Variants in OSMR observed in about 807,000 individuals in gnomAD.
OSMR encodes oncostatin M receptor.
A neutral mutation model predicts 99.9 loss-of-function variants in OSMR; 81 were observed. The ratio of observed to expected loss-of-function variants is 0.81; its 90% CI spans 0.68 to 0.97. The LOEUF (loss-of-function observed/expected upper bound fraction) is 0.97, where lower values mean the gene tolerates loss of function less well. OSMR is among the 50% of genes least tolerant of loss of function. The pLI is 0.00. For missense variants in OSMR, 1,099 were observed against 1,153.4 expected, an observed-to-expected ratio of 0.95 and a Z score of 0.68; for synonymous variants, 406 against 410.4, an observed-to-expected ratio of 0.99 and a Z score of 0.13.
chr5:38,904,090 G>A, intron 8 of OSMR, 66 bp downstream of exon 8: 1 of 1,595,012 alleles, frequency 6.3e-7, no homozygotes, highest in Non-Finnish European at 8.6e-7. Context: ...AGACACTGAT[G>A]AATAAAATCA....
chr5:38,902,353 T>A (rs776005302), intron 7 of OSMR, among the ~76,000 whole-genome samples: 1 of 152,208 alleles, frequency 6.6e-6, no homozygotes, highest in Non-Finnish European at 1.5e-5. Context: ...ATGCCTATGA[T>A]GCACTGACTG....
intron 1 of OSMR, among the ~76,000 whole-genome samples, chr5:38,861,695 C>T (rs1198471535): frequency 6.6e-6 from 1 of 151,518 alleles, no homozygotes; most frequent in Admixed American, 6.6e-5. Context: ...GTAGGGGCGG[C>T]CGGGAGAGGC....
intron 1 of OSMR, among the ~76,000 whole-genome samples, chr5:38,859,000 A>T (rs185122741): frequency 1.2e-3 from 182 of 152,334 alleles, no homozygotes; most frequent in African/African-American, 4.1e-3. Context: ...TCTGGATATT[A>T]GTTCCTAGTC....
intron 7 of OSMR, among the ~76,000 whole-genome samples, chr5:38,892,721 C>A (rs906345010): frequency 6.6e-6 from 1 of 152,124 alleles, no homozygotes; most frequent in African/African-American, 2.4e-5. Context: ...ACAGACATTT[C>A]CCATGGCTTT....
chr5:38,850,808 T>C (rs75116148), intron 1 of OSMR, among the ~76,000 whole-genome samples: 2,990 of 152,340 alleles, frequency 0.02, 109 homozygotes, highest in African/African-American at 0.068. Context: ...TGGTCACCTC[T>C]TTCTACTTTC....
At chr5:38,893,322 C>G (rs1463628830) in intron 7 of OSMR, among the ~76,000 whole-genome samples, 1 of 152,192 alleles carries the variant, frequency 6.6e-6, no homozygotes, top group Non-Finnish European at 1.5e-5. Context: ...AAGGATCACT[C>G]TAGCTCCTGA....
At chr5:38,858,342 C>T (rs903068394) in intron 1 of OSMR, among the ~76,000 whole-genome samples, 1 of 150,160 alleles carries the variant, frequency 6.7e-6, no homozygotes, top group Admixed American at 6.6e-5. Context: ...TTAGCTCCCA[C>T]ATATGAGTGA....
In OSMR at chr5:38,912,785, A is replaced by G. The variant is rs188278259; in HGVS notation, c.1286-4761A>G. Among the ~76,000 whole-genome samples, 201 of 152,276 alleles carry G rather than the reference A, an allele frequency of 1.3e-3. 2 individuals carry two copies. The highest frequency in any genetic ancestry group is 4.7e-3 in the African/African-American group (196 of 41,564). On this transcript the variant is annotated intron_variant, in intron 9 of 17. Transcript: ENST00000274276. ...AAAACAAAACTACACACCTACAGCCATCTGATCTTCTACAAAGTCAACAAA... is the reference window on the plus strand; with the variant it reads ...AAAACAAAACTACACACCTACAGCCGTCTGATCTTCTACAAAGTCAACAAA...
intron 11 of OSMR, 100 bp from the exon 12 acceptor site, chr5:38,921,515 C>A: frequency 6.3e-7 from 1 of 1,578,124 alleles, no homozygotes; most frequent in Non-Finnish European, 8.6e-7. Flanking sequence ...CTGTTACCTA[C>A]TAGATACAGT....
chr5:38,857,428 A>C lies in OSMR; in HGVS notation c.-14+11041A>C, dbSNP rs182076191. 4.7e-5 allele frequency among the ~76,000 whole-genome samples: 7 copies of C among 149,206 alleles called. No individual in the cohort carries two copies. The South Asian group carries it at 9.0e-4, about 19-fold the overall frequency. On this transcript the variant is annotated intron_variant, in intron 1 of 17. Transcript: ENST00000274276. ...TTGACTTCCCCTTGCTTATGACTAG[A>C]AACTATTTCCTCTAGAATTAGTTTT...
chr5:38,879,023 G>T (rs757807063), intron 3 of OSMR, among the ~76,000 whole-genome samples: 1 of 152,214 alleles, frequency 6.6e-6, no homozygotes, highest in Admixed American at 6.5e-5. Flanking sequence ...GTGAACACAC[G>T]CATAGGGTAT....
At chr5:38,894,516 A>G (rs2112474363) in intron 7 of OSMR, among the ~76,000 whole-genome samples, 1 of 152,310 alleles carries the variant, frequency 6.6e-6, no homozygotes, top group East Asian at 1.9e-4. Flanking sequence ...TGTCATAAAA[A>G]TGGAAAACCA....
chr5:38,864,901 T>A (rs968586152), intron 1 of OSMR, among the ~76,000 whole-genome samples: 6 of 152,232 alleles, frequency 3.9e-5, no homozygotes, highest in Non-Finnish European at 7.3e-5. Context: ...GTGTCCCATA[T>A]GTCATGTAGG....
At chr5:38,926,301 T>C (rs1281945222) in intron 15 of OSMR, among the ~76,000 whole-genome samples, 2 of 152,200 alleles carry the variant, frequency 1.3e-5, no homozygotes, top group Non-Finnish European at 2.9e-5. Context: ...TGGAGTGCCC[T>C]GACTGGTGAT....
rs1273267034 is a variant in OSMR, at chr5:38,885,586, C to G, written c.839+102C>G. ...ACTTAGATGTTGCAGGAAATTTGAA[C>G]AAATATTTCAGAACCACCTGCCAAG... is the stretch of plus-strand genomic sequence containing the variant. On this transcript the variant is annotated intron_variant, in intron 6 of 17. Transcript: ENST00000274276. The G allele has an allele frequency of 4.1e-6, 6 of 1,469,192 alleles. No individual in the cohort carries two copies. In the Admixed American group the frequency reaches 6.7e-5, roughly 16 times the overall value. 91.0% of individuals were successfully genotyped at this position (1,469,192 alleles called of 1,614,324 possible).
In OSMR at chr5:38,855,184, C is replaced by T. The variant is rs575654769; in HGVS notation, c.-14+8797C>T. 6.6e-5 allele frequency among the ~76,000 whole-genome samples: 10 copies of T among 152,290 alleles called. No homozygotes were observed. In the South Asian group the frequency reaches 2.1e-3, roughly 32 times the overall value. On this transcript the variant is annotated intron_variant, in intron 1 of 17. Transcript: ENST00000274276. The stretch of plus-strand genomic sequence containing the variant: ...CAATCTTGGATTTTCACTTGATCTG[C>T]AGGAGGGGCCACAGTAGAGGGTGTG...
chr5:38,867,339 T>G (rs1437112295), intron 1 of OSMR, among the ~76,000 whole-genome samples: 1 of 152,254 alleles, frequency 6.6e-6, no homozygotes, highest in Admixed American at 6.5e-5. Flanking sequence ...TCTTCACTGT[T>G]GTTCCCACTT....
chr5:38,943,004 G>A (rs2112786342), intron 1 of OSMR: 1 of 1,511,498 alleles, frequency 6.6e-7, no homozygotes, highest in Non-Finnish European at 9.2e-7. Flanking sequence ...GATGAAAACT[G>A]TAATCATGAT....
At chr5:38,864,740 G>A (rs896673840) in intron 1 of OSMR, among the ~76,000 whole-genome samples, 1 of 151,866 alleles carries the variant, frequency 6.6e-6, no homozygotes, top group Non-Finnish European at 1.5e-5. Context: ...AATATCTTTT[G>A]GGATCTCTGA....
Sources: gnomAD v4.1 joint callset for allele counts (sites outside exome capture counted in the v4.1 genomes callset) on GRCh38, gnomAD v4.1.1 for gene constraint, MANE v1.5 for transcripts, NCBI Gene and HGNC (gene_info 2026-07-23, HGNC 2026-07-21) for gene names.